Variants in CADM2 observed in about 807,000 individuals in gnomAD.
CADM2 encodes the protein immunoglobulin superfamily member 4D.
A neutral mutation model predicts 49.8 loss-of-function variants in CADM2; 12 were observed. The ratio of observed to expected loss-of-function variants is 0.24; its 90% CI spans 0.15 to 0.39. The LOEUF (loss-of-function observed/expected upper bound fraction) is 0.39. Among genes scored for constraint, CADM2 ranks in the 10% least tolerant of loss-of-function variants. CADM2 has a pLI of 1.00. For missense variants in CADM2, 378 were observed against 492.3 expected (o/e 0.77, Z 2.20); for synonymous variants, 214 against 175.4 (o/e 1.22, Z -1.74).
intron 2 of CADM2, among the ~76,000 whole-genome samples, chr3:85,728,335 A>C (rs1400172377): frequency 6.6e-6 from 1 of 152,162 alleles, no homozygotes; most frequent in Non-Finnish European, 1.5e-5. Context: ...AGGGGCCTTA[A>C]CACATAGCTT....
At chr3:85,229,804 G>C (rs1197910642) in intron 1 of CADM2, among the ~76,000 whole-genome samples, 1 of 152,140 alleles carries the variant, frequency 6.6e-6, no homozygotes, top group East Asian at 1.9e-4. Flanking sequence ...CTTTCTTCCT[G>C]TCTTCATAGC....
intron 1 of CADM2, among the ~76,000 whole-genome samples, chr3:85,127,409 G>GA (rs1056310576): frequency 6.6e-6 from 1 of 152,154 alleles, no homozygotes; most frequent in Non-Finnish European, 1.5e-5. Context: ...TGGAGTTCTT[G>GA]AAATGTGGGC....
chr3:85,311,719 C>T (rs1033570739), intron 1 of CADM2, among the ~76,000 whole-genome samples: 16 of 152,122 alleles, frequency 1.1e-4, no homozygotes, highest in African/African-American at 3.4e-4. Context: ...TCATATTTGG[C>T]CCTTTACTTT....
intron 1 of CADM2, among the ~76,000 whole-genome samples, chr3:85,593,174 T>A (rs1478069004): frequency 1.4e-5 from 2 of 145,506 alleles, no homozygotes; most frequent in African/African-American, 5.0e-5. Context: ...TAAGATTTTT[T>A]ATTTTATTTT....
At chr3:85,669,947 A>C (rs963195932) in intron 1 of CADM2, among the ~76,000 whole-genome samples, 1 of 144,660 alleles carries the variant, frequency 6.9e-6, no homozygotes. Flanking sequence ...GCCCTGGGAC[A>C]GAAGAATCTT....
At chr3:85,516,711 A>T (rs2060912019) in intron 1 of CADM2, among the ~76,000 whole-genome samples, 1 of 152,102 alleles carries the variant, frequency 6.6e-6, no homozygotes, top group Admixed American at 6.5e-5. Context: ...TATTATTTAT[A>T]AAAAGAGATA....
At chr3:85,875,005 T>C (rs141595797) in intron 3 of CADM2, among the ~76,000 whole-genome samples, 15 of 152,300 alleles carry the variant, frequency 9.8e-5, no homozygotes, top group African/African-American at 3.1e-4. Flanking sequence ...AGTTTCCAGA[T>C]GTATTGCTTA....
At chr3:85,710,167 T>A (rs1325335379) in intron 1 of CADM2, among the ~76,000 whole-genome samples, 6 of 152,170 alleles carry the variant, frequency 3.9e-5, no homozygotes, top group Non-Finnish European at 8.8e-5. Flanking sequence ...CACCATTTTC[T>A]TATTACACCT....
intron 1 of CADM2, among the ~76,000 whole-genome samples, chr3:85,544,445 C>T (rs1013761322): frequency 1.3e-5 from 2 of 152,106 alleles, no homozygotes; most frequent in African/African-American, 2.4e-5. Flanking sequence ...GGCGCTGTGG[C>T]GGACGCCTGT....
intron 1 of CADM2, among the ~76,000 whole-genome samples, chr3:85,375,366 C>A (rs2033532458): frequency 6.6e-6 from 1 of 152,144 alleles, no homozygotes; most frequent in Non-Finnish European, 1.5e-5. Flanking sequence ...TAAACACAGA[C>A]AAGAATTGTA....
At chr3:85,418,590 T>A (rs1331185889) in intron 1 of CADM2, among the ~76,000 whole-genome samples, 1 of 151,822 alleles carries the variant, frequency 6.6e-6, no homozygotes, top group Non-Finnish European at 1.5e-5. Flanking sequence ...AGTTACATTA[T>A]ATTTTTTTAG....
chr3:85,310,760 A>G (rs2044322073), intron 1 of CADM2, among the ~76,000 whole-genome samples: 2 of 152,134 alleles, frequency 1.3e-5, no homozygotes, highest in African/African-American at 4.8e-5. Context: ...TCACCCTCTG[A>G]AAGTATGGAA....
chr3:85,076,338 T>TGTGTGTGTGG (rs766940839), intron 1 of CADM2, among the ~76,000 whole-genome samples: 2 of 141,730 alleles, frequency 1.4e-5, no homozygotes, highest in Admixed American at 7.1e-5. Flanking sequence ...TGTGTGTGTG[T>TGTGTGTGTGG]GGTGTGGTGT....
At chr3:85,660,674 T>C (rs73845611) in intron 1 of CADM2, among the ~76,000 whole-genome samples, 1,702 of 152,128 alleles carry the variant, frequency 0.011, 37 homozygotes, top group African/African-American at 0.039. Flanking sequence ...CTGTGGCTTA[T>C]AATGGGCAAA....
chr3:86,039,718 C>A (rs999998739), intron 8 of CADM2, among the ~76,000 whole-genome samples: 1 of 152,154 alleles, frequency 6.6e-6, no homozygotes, highest in African/African-American at 2.4e-5. Context: ...CCCTGCCTGA[C>A]AGCTTTGAAG....
intron 1 of CADM2, among the ~76,000 whole-genome samples, chr3:84,991,539 G>A (rs921026816): frequency 1.3e-5 from 2 of 152,080 alleles, no homozygotes; most frequent in South Asian, 2.1e-4. Context: ...ATGTTAGAAT[G>A]GCCAAAATCC....
chr3:85,609,350 T>A (rs1228069731), intron 1 of CADM2, among the ~76,000 whole-genome samples: 1 of 152,176 alleles, frequency 6.6e-6, no homozygotes, highest in Non-Finnish European at 1.5e-5. Flanking sequence ...ACTTTATATC[T>A]TGACTTGAAG....
intron 1 of CADM2, among the ~76,000 whole-genome samples, chr3:85,155,055 C>G (rs528827455): frequency 1.4e-5 from 2 of 147,572 alleles, no homozygotes; most frequent in Non-Finnish European, 3.0e-5. Context: ...AACCAGCTAA[C>G]ATCATAATGA....
At chr3:85,649,331 T>G (rs2064978703) in intron 1 of CADM2, among the ~76,000 whole-genome samples, 2 of 152,166 alleles carry the variant, frequency 1.3e-5, no homozygotes, top group Admixed American at 1.3e-4. Context: ...AATATTTATG[T>G]AGGACATCAC....
Sources: gnomAD v4.1 joint callset for allele counts (sites outside exome capture counted in the v4.1 genomes callset) on GRCh38, gnomAD v4.1.1 for gene constraint, MANE v1.5 for transcripts, NCBI Gene and HGNC (gene_info 2026-07-23, HGNC 2026-07-21) for gene names.